The following RANBP2 variants were observed in gnomAD, a reference collection of about 807,000 sequenced individuals.
The protein encoded by RANBP2 is E3 SUMO-protein ligase RanBP2.
Under a neutral mutation model 303.6 loss-of-function variants are expected in RANBP2, and 57 were observed. The observed-to-expected ratio is 0.19, with a 90% CI of 0.15 to 0.23. RANBP2 has a LOEUF of 0.23. Ranked by LOEUF, RANBP2 falls within the 10% of genes least tolerant of loss-of-function variation. The probability of loss-of-function intolerance (pLI) is 1.00; values close to 1 mark genes in which losing one functional copy is unlikely to be tolerated. For missense variants in RANBP2, 3,138 were observed against 3,780.8 expected (o/e 0.83, Z 4.46); for synonymous variants, 1,167 against 1,301.5 (o/e 0.90, Z 2.23).
the RANBP2 span, among the ~76,000 whole-genome samples, chr2:108,944,144 C>T: frequency 2.3e-4 from 35 of 152,280 alleles, no homozygotes; most frequent in East Asian, 5.0e-3. Context: ...GACAGAGTCT[C>T]GCTCTGTCAG....
intron 4 of RANBP2, among the ~76,000 whole-genome samples, chr2:108,734,469 C>T (rs1433925189): frequency 1.5e-5 from 2 of 129,736 alleles, no homozygotes; most frequent in Non-Finnish European, 3.1e-5. Flanking sequence ...AATCTAAGCA[C>T]ACAGAAACCA....
the RANBP2 span, among the ~76,000 whole-genome samples, chr2:109,509,149 A>G: frequency 1.3e-5 from 2 of 152,036 alleles, no homozygotes; most frequent in African/African-American, 4.8e-5. Flanking sequence ...TTCAACAGCT[A>G]CTTCTGCTCT....
intron 1 of RANBP2, among the ~76,000 whole-genome samples, chr2:108,722,025 C>T (rs976277561): frequency 1.3e-5 from 2 of 150,552 alleles, no homozygotes; most frequent in Non-Finnish European, 3.0e-5. Context: ...GTGAGCCACT[C>T]TGCTCAGCCT....
the RANBP2 span, among the ~76,000 whole-genome samples, chr2:109,690,002 G>A: frequency 6.6e-6 from 1 of 152,068 alleles, no homozygotes. Context: ...TGCACGTACG[G>A]CACAAAGATC....
the RANBP2 span, among the ~76,000 whole-genome samples, chr2:109,400,411 T>C: frequency 6.6e-6 from 1 of 152,068 alleles, no homozygotes; most frequent in African/African-American, 2.4e-5. Flanking sequence ...TATACACATA[T>C]ACACCTGTGC....
chr2:108,772,709 C>A, intron 22 of RANBP2, 128 bp downstream of exon 22: 1 of 1,224,536 alleles, frequency 8.2e-7, no homozygotes, highest in Non-Finnish European at 1.2e-6. Flanking sequence ...AAACTTAAAA[C>A]TAACAGGTGA....
At chr2:108,873,774 A>T in the RANBP2 span, among the ~76,000 whole-genome samples, 17 of 152,198 alleles carry the variant, frequency 1.1e-4, no homozygotes, top group Admixed American at 2.6e-4. Context: ...AAAACCTCAT[A>T]GTGTTTTCAG....
intron 17 of RANBP2, among the ~76,000 whole-genome samples, chr2:108,756,565 T>G (rs527997683): frequency 2.8e-4 from 42 of 152,310 alleles, no homozygotes; most frequent in African/African-American, 1.0e-3. Flanking sequence ...TGCACAAAAA[T>G]TTTGAATGTT....
chr2:109,618,332 A>G, the RANBP2 span: 1 of 166,940 alleles, frequency 6.0e-6, no homozygotes, highest in African/African-American at 2.4e-5. Context: ...CTTCAGAACC[A>G]TCAGAAGGTT....
At chr2:109,098,672 C>A in the RANBP2 span, among the ~76,000 whole-genome samples, 3 of 152,220 alleles carry the variant, frequency 2.0e-5, no homozygotes, top group Admixed American at 6.5e-5. Flanking sequence ...CCTATAGTCA[C>A]AATAAAGCCA....
chr2:108,912,677 C>T, the RANBP2 span: 3 of 1,587,944 alleles, frequency 1.9e-6, no homozygotes, highest in African/African-American at 1.3e-5. Flanking sequence ...ACCCTCCTCA[C>T]CTTTGTGGGC....
At chr2:108,929,056 G>T in the RANBP2 span, 1 of 968,810 alleles carries the variant, frequency 1.0e-6, no homozygotes. Flanking sequence ...GCTGCTCCTT[G>T]TGGGATGGGA....
intron 23 of RANBP2, among the ~76,000 whole-genome samples, chr2:108,773,637 C>G (rs1433473842): frequency 6.7e-6 from 1 of 149,456 alleles, no homozygotes; most frequent in African/African-American, 2.5e-5. Flanking sequence ...AGTCAAAACC[C>G]CTCCAGGAAT....
the RANBP2 span, among the ~76,000 whole-genome samples, chr2:109,411,309 T>C: frequency 2.0e-5 from 3 of 152,192 alleles, no homozygotes; most frequent in Non-Finnish European, 4.4e-5. Flanking sequence ...ATTACAGTCA[T>C]TTAAAGGAGA....
At chr2:109,658,908 T>C in the RANBP2 span, among the ~76,000 whole-genome samples, 5 of 151,870 alleles carry the variant, frequency 3.3e-5, no homozygotes, top group Non-Finnish European at 7.4e-5. Context: ...CTGCTAAAAA[T>C]ACAAAAACTA....
At chr2:109,259,770 G>A in the RANBP2 span, among the ~76,000 whole-genome samples, 2 of 152,190 alleles carry the variant, frequency 1.3e-5, no homozygotes, top group Non-Finnish European at 2.9e-5. Flanking sequence ...TGCATGTGGA[G>A]GGAGCTTTAT....
chr2:108,976,399 T>C, the RANBP2 span, among the ~76,000 whole-genome samples: 1 of 152,224 alleles, frequency 6.6e-6, no homozygotes, highest in African/African-American at 2.4e-5. Flanking sequence ...GCTACCAGCA[T>C]GGCTCAGGAT....
At chr2:108,806,882 G>A in the RANBP2 span, among the ~76,000 whole-genome samples, 1 of 152,164 alleles carries the variant, frequency 6.6e-6, no homozygotes, top group Non-Finnish European at 1.5e-5. Context: ...TCATCATAGG[G>A]AGATAGTCCC....
At chr2:109,676,099 C>G in the RANBP2 span, among the ~76,000 whole-genome samples, 1,080 of 152,322 alleles carry the variant, frequency 7.1e-3, 12 homozygotes, top group African/African-American at 0.025. Flanking sequence ...GTGTGTGAAG[C>G]GCTCATGAGA....
Sources: gnomAD v4.1 joint callset for allele counts (sites outside exome capture counted in the v4.1 genomes callset) on GRCh38, gnomAD v4.1.1 for gene constraint, MANE v1.5 for transcripts, NCBI Gene and HGNC (gene_info 2026-07-23, HGNC 2026-07-21) for gene names.